Variants in OSBPL6 observed in about 807,000 individuals in gnomAD.
OSBPL6 encodes oxysterol-binding protein-related protein 6.
OSBPL6 carries 49 observed loss-of-function variants against 125.8 expected under a neutral mutation model. The ratio of observed to expected loss-of-function variants is 0.39; its 90% confidence interval spans 0.31 to 0.49. The LOEUF is 0.49. Among genes scored for constraint, OSBPL6 ranks in the 20% least tolerant of loss-of-function variants. The pLI, the probability that OSBPL6 is intolerant of heterozygous loss-of-function variation, is 0.88. For synonymous variants in OSBPL6, 394 were observed against 391.8 expected, an observed-to-expected ratio of 1.01 and a Z score of -0.07; for missense variants, 986 against 1,135.4, an observed-to-expected ratio of 0.87 and a Z score of 1.89.
In OSBPL6 at chr2:178,217,440, G is replaced by A. The variant is rs77546895; in HGVS notation, c.-351+22766G>A. Among the ~76,000 whole-genome samples, 4 of 152,080 alleles carry A rather than the reference G, an allele frequency of 2.6e-5. No homozygotes were observed. The East Asian group carries it at 5.8e-4, about 22-fold the overall frequency. ...GCTACATTGTCCGAGGTGTATACTC[G>A]GGGTTTTGTCATCGCACGCCAGGAA... On this transcript the variant is annotated intron_variant, in intron 1 of 24. Transcript: ENST00000190611.
chr2:178,207,858 T>C (rs893265398), intron 1 of OSBPL6, among the ~76,000 whole-genome samples: 1 of 152,226 alleles, frequency 6.6e-6, no homozygotes, highest in Non-Finnish European at 1.5e-5. Context: ...TAAGAGGTAA[T>C]AACTTGAAGC....
intron 1 of OSBPL6, among the ~76,000 whole-genome samples, chr2:178,263,805 A>T (rs1474405128): frequency 1.3e-5 from 1 of 78,822 alleles, no homozygotes; most frequent in Non-Finnish European, 2.7e-5. Flanking sequence ...AACTGTGTAC[A>T]CGTGTGTGTG....
At chr2:178,379,332 A>AAGGGAGGGAGGGAGGGAGGGAGGG (rs146298293) in intron 15 of OSBPL6, among the ~76,000 whole-genome samples, 3 of 125,842 alleles carry the variant, frequency 2.4e-5, no homozygotes, top group African/African-American at 9.1e-5. Context: ...GAAGGAAAGG[A>AAGGGAGGGAGGGAGGGAGGGAGGG]AGGGAGGGAG....
At chr2:178,359,826 A>G (rs2154097516) in intron 12 of OSBPL6, among the ~76,000 whole-genome samples, 2 of 152,336 alleles carry the variant, frequency 1.3e-5, no homozygotes, top group Admixed American at 1.3e-4. Flanking sequence ...AGTGGCTCAC[A>G]CTTGTAATAC....
chr2:178,222,696 T>C (rs1374820594), intron 1 of OSBPL6, among the ~76,000 whole-genome samples: 1 of 152,104 alleles, frequency 6.6e-6, no homozygotes, highest in Non-Finnish European at 1.5e-5. Flanking sequence ...AAAAATTAAT[T>C]GTAAGTCCTT....
At chr2:178,237,420 AC>A (rs1337822248) in intron 1 of OSBPL6, among the ~76,000 whole-genome samples, 5 of 152,016 alleles carry the variant, frequency 3.3e-5, no homozygotes, top group Non-Finnish European at 7.4e-5. Flanking sequence ...CCTGTTTCAA[AC>A]AATTTGAAAA....
rs34253857 is a variant in OSBPL6 at position 178,395,926 on chromosome 2, A to G, written c.*367A>G. On this transcript the variant is annotated 3_prime_UTR_variant, in exon 25 of 25. Coordinates refer to ENST00000190611, the MANE Select transcript of OSBPL6 (RefSeq NM_032523.4). ...TGATCAAGAAAGTTAACAACAACAT[A>G]GAAACCACACGATTGTTCCACTGTC... 0.27 allele frequency: 104,438 copies of G among 390,552 alleles called. 16,723 individuals are homozygous for G. Among genetic ancestry groups the G allele is most frequent in the Non-Finnish European group, 0.34 (69,416 of 202,896 alleles). The allele number at this position is 390,552 out of a possible 1,614,324, so 24.2% of individuals were successfully genotyped here.
intron 2 of OSBPL6, among the ~76,000 whole-genome samples, chr2:178,301,745 T>A (rs561733319): frequency 1.2e-3 from 179 of 152,248 alleles, no homozygotes; most frequent in Non-Finnish European, 1.1e-3. Context: ...CTGTACCACC[T>A]ACAAGCAAAA....
At chr2:178,380,883 A>G (rs1244856211) in intron 15 of OSBPL6, among the ~76,000 whole-genome samples, 1 of 152,218 alleles carries the variant, frequency 6.6e-6, no homozygotes, top group Admixed American at 6.5e-5. Flanking sequence ...AGCAATATGT[A>G]AACTGATCTC....
rs530797633 is a variant in OSBPL6, at chr2:178,383,620, A to G, written c.1875+343A>G. ...TGTTCAGGAACTTAGGTCTGAGAAA[A>G]TAACTTCTGTTTATACTTCACCCTT... On this transcript the variant is annotated intron_variant, in intron 17 of 24. Transcript: ENST00000190611. 6.6e-5 allele frequency among the ~76,000 whole-genome samples: 10 copies of G among 152,320 alleles called. No individual in the cohort carries two copies. In the East Asian group the frequency reaches 1.9e-3, roughly 29 times the overall value.
chr2:178,392,373 CCTT>C (rs762354453), intron 22 of OSBPL6, 36 bp from the exon 23 acceptor site: 18 of 1,609,528 alleles, frequency 1.1e-5, no homozygotes, highest in Non-Finnish European at 1.4e-5. Flanking sequence ...GTTCCATAAA[CCTT>C]CTGCCTCTCA....
At chr2:178,337,949 C>CTCTTTTTTTTTTT (rs1689839022) in intron 9 of OSBPL6, among the ~76,000 whole-genome samples, 2 of 139,150 alleles carry the variant, frequency 1.4e-5, no homozygotes, top group African/African-American at 2.7e-5. Context: ...TCAGTATTCT[C>CTCTTTTTTTTTTT]TTTTTTTTTT....
Position 178,303,649 on chromosome 2 carries a change from G to A in OSBPL6, c.-155-2381G>A, listed in dbSNP as rs559251310. On this transcript the variant is annotated intron_variant, in intron 2 of 24. Transcript: ENST00000190611. ...TCCAGACCTACATTTCCAAGAGTTT[G>A]TCTCCAACTGAATGTCTTCAGCAAT... 4.6e-5 allele frequency among the ~76,000 whole-genome samples: 7 copies of A among 152,272 alleles called. No homozygotes were observed. In the South Asian group the frequency reaches 1.5e-3, roughly 32 times the overall value.
chr2:178,228,481 G>A (rs2090671289), intron 1 of OSBPL6, among the ~76,000 whole-genome samples: 1 of 152,208 alleles, frequency 6.6e-6, no homozygotes, highest in Non-Finnish European at 1.5e-5. Flanking sequence ...CTTGCAGTGA[G>A]CCAAGATTGT....
intron 13 of OSBPL6, among the ~76,000 whole-genome samples, chr2:178,364,156 T>C (rs546830593): frequency 6.6e-5 from 10 of 152,292 alleles, no homozygotes; most frequent in Non-Finnish European, 1.0e-4. Context: ...AGGTAGTTCA[T>C]AGTGGAAGAA....
At chr2:178,386,371 G>A (rs1308495349) in intron 19 of OSBPL6, among the ~76,000 whole-genome samples, 5 of 152,174 alleles carry the variant, frequency 3.3e-5, no homozygotes, top group South Asian at 2.1e-4. Flanking sequence ...TAAAGCCATC[G>A]TGTGAGGTAA....
rs1270635530 is a variant in OSBPL6, at chr2:178,400,765, T to A, written c.*5206T>A. On this transcript the variant is annotated 3_prime_UTR_variant, in exon 25 of 25. Transcript: ENST00000190611. ...CTTTGTAATCCTTCCCCATCCTCTA[T>A]CCTGAGGCAACCATTGATCTGCTTT... 1 of 152,210 alleles carries A rather than the reference T, an allele frequency of 6.6e-6. No individual in the cohort carries two copies. The highest frequency in any genetic ancestry group is 1.5e-5 in the Non-Finnish European group (1 of 68,042). The allele number at this position is 152,210 out of a possible 1,614,324, so 9.4% of individuals were successfully genotyped here.
In OSBPL6 at chr2:178,359,479, C is replaced by T. The variant is rs6753349; in HGVS notation, c.1154-2203C>T. 2.4e-3 allele frequency among the ~76,000 whole-genome samples: 371 copies of T among 152,110 alleles called. 1 individual carries two copies. The highest frequency in any genetic ancestry group is 8.4e-3 in the African/African-American group (349 of 41,498). ...TGTACGTTGGTGCAGCCATATACAC[C>T]GGAAAATAGTACAGAGATTCTTAAA... is the stretch of plus-strand genomic sequence containing the variant. On this transcript the variant is annotated intron_variant, in intron 12 of 24. Coordinates refer to ENST00000190611, the MANE Select transcript of OSBPL6 (RefSeq NM_032523.4).
intron 3 of OSBPL6, among the ~76,000 whole-genome samples, chr2:178,313,666 A>G (rs1336083275): frequency 2.0e-5 from 3 of 152,232 alleles, no homozygotes; most frequent in Non-Finnish European, 4.4e-5. Flanking sequence ...TATGAAATCT[A>G]TATTCCGTAT....
Sources: allele counts gnomAD v4.1 joint callset (sites outside exome capture counted in the v4.1 genomes callset), GRCh38; gene constraint gnomAD v4.1.1; transcripts MANE v1.5; gene names NCBI Gene and HGNC (gene_info 2026-07-23, HGNC 2026-07-21).